MMS22L: variants seen among roughly 807,000 people sequenced by gnomAD.
MMS22L encodes MMS22 like, DNA repair protein.
A neutral mutation model predicts 159.1 loss-of-function variants in MMS22L; 74 were observed. That is an observed-to-expected ratio of 0.47 (90% CI 0.39 to 0.56). The LOEUF (loss-of-function observed/expected upper bound fraction) is 0.56. Ranked by LOEUF, MMS22L falls within the 20% of genes least tolerant of loss-of-function variation. MMS22L has a pLI of 0.00. For missense variants in MMS22L, 1,351 were observed against 1,422.1 expected (o/e 0.95, Z 0.80); for synonymous variants, 517 against 506.9 (o/e 1.02, Z -0.27).
At position 97,229,319 on chromosome 6, in the gene MMS22L, T is replaced by C. The variant is rs1211003004; in HGVS notation, c.1614A>G (p.Leu538=). The change falls in exon 14 of 25, where the codon TTA becomes TTG. Residue 538 remains leucine (L), a synonymous_variant. Coordinates refer to ENST00000683635, the MANE Select transcript of MMS22L (RefSeq NM_001350599.2). ...LQNFFSLFLL[L]AAVAEVEDVA... Reference sequence around the variant, plus strand: ...CATCTTCTACCTCTGCAACAGCTGCTAACAGTAGAAAAAGGCTAAAAAAGT... The same window carrying C: ...CATCTTCTACCTCTGCAACAGCTGCCAACAGTAGAAAAAGGCTAAAAAAGT... 1 of 1,613,926 alleles carries C rather than the reference T, an allele frequency of 6.2e-7. No individual in the cohort carries two copies. Among genetic ancestry groups the C allele is most frequent in the East Asian group, 2.2e-5 (1 of 44,880 alleles).
intron 9 of MMS22L, among the ~76,000 whole-genome samples, chr6:97,258,293 T>C (rs913674172): frequency 1.3e-5 from 2 of 152,244 alleles, no homozygotes; most frequent in African/African-American, 2.4e-5. Flanking sequence ...TCATCATTTT[T>C]TGAGCACTTC....
chr6:97,181,639 G>C (rs1347430832), intron 16 of MMS22L, among the ~76,000 whole-genome samples: 2 of 152,048 alleles, frequency 1.3e-5, no homozygotes, highest in Non-Finnish European at 2.9e-5. Context: ...GGTCACTTCA[G>C]TATGATGATA....
At chr6:97,215,765 C>A (rs796799427) in intron 14 of MMS22L, among the ~76,000 whole-genome samples, 9 of 152,054 alleles carry the variant, frequency 5.9e-5, no homozygotes, top group African/African-American at 1.9e-4. Flanking sequence ...AAAAAAAAGT[C>A]CTGAATTTTC....
chr6:97,200,681 A>G (rs539047386), intron 14 of MMS22L, among the ~76,000 whole-genome samples: 1 of 152,246 alleles, frequency 6.6e-6, no homozygotes, highest in East Asian at 1.9e-4. Flanking sequence ...GACCTGTGAT[A>G]TCTCATAAAA....
intron 9 of MMS22L, among the ~76,000 whole-genome samples, chr6:97,255,303 T>C (rs977717889): frequency 6.6e-6 from 1 of 152,138 alleles, no homozygotes; most frequent in African/African-American, 2.4e-5. Context: ...AGACATAAAG[T>C]TGTCGACAGT....
chr6:97,176,258 A>G (rs962294738), intron 18 of MMS22L, among the ~76,000 whole-genome samples: 1 of 152,118 alleles, frequency 6.6e-6, no homozygotes, highest in Admixed American at 6.6e-5. Context: ...TGTTTTGAGC[A>G]GGTGGTATCA....
intron 24 of MMS22L, among the ~76,000 whole-genome samples, chr6:97,149,405 C>T (rs1305004609): frequency 6.6e-6 from 1 of 152,040 alleles, no homozygotes; most frequent in African/African-American, 2.4e-5. Flanking sequence ...TGACCAAAAC[C>T]TATACTGTCT....
intron 11 of MMS22L, 78 bp from the exon 12 acceptor site, chr6:97,234,058 T>C (rs771002292): frequency 1.5e-5 from 22 of 1,455,922 alleles, no homozygotes; most frequent in Non-Finnish European, 2.0e-5. Context: ...TTGTGCTGTA[T>C]ATAACCTGCA....
intron 14 of MMS22L, among the ~76,000 whole-genome samples, chr6:97,202,063 C>A (rs1318627568): frequency 3.3e-5 from 5 of 152,142 alleles, no homozygotes; most frequent in African/African-American, 9.7e-5. Flanking sequence ...AACCAAGAGA[C>A]CACTGTATTC....
intron 21 of MMS22L, among the ~76,000 whole-genome samples, chr6:97,162,576 CTA>C (rs1490287952): frequency 6.6e-6 from 1 of 151,698 alleles, no homozygotes; most frequent in Non-Finnish European, 1.5e-5. Flanking sequence ...CTCTTCATAT[CTA>C]TTTATTTAAG....
chr6:97,207,853 C>T (rs1370798851), intron 14 of MMS22L, among the ~76,000 whole-genome samples: 3 of 152,080 alleles, frequency 2.0e-5, no homozygotes, highest in Middle Eastern at 3.2e-3. Context: ...AAATTTCCAA[C>T]CTCTGCATTT....
At position 97,178,578 on chromosome 6, in the gene MMS22L, C is replaced by T. The variant is rs749744892; in HGVS notation, c.2544G>A (p.Glu848=). 4 of 1,500,080 alleles carry T rather than the reference C, an allele frequency of 2.7e-6. No homozygotes were observed. Among genetic ancestry groups the T allele is most frequent in the Non-Finnish European group, 3.6e-6 (4 of 1,099,532 alleles). 92.9% of individuals were successfully genotyped at this position (1,500,080 alleles called of 1,614,324 possible). The change falls in exon 18 of 25, where the codon GAG becomes GAA. Residue 848 remains glutamate (E), a synonymous_variant. Transcript: ENST00000683635. ...TCAGTTTGACCAACTGTTTCATGTA[C>T]TCTTTTTCTGTTAAAATAAAATAGT... ...DKNLEEAVEK[E]YMKQLVKLTR...
In MMS22L at chr6:97,226,703, G is replaced by GTA. The variant is rs532268227; in HGVS notation, c.2039+2189_2039+2190dup. Among the ~76,000 whole-genome samples the GTA allele has an allele frequency of 5.5e-4, 83 of 152,020 alleles. No individual in the cohort carries two copies. In the East Asian group the frequency reaches 0.014, roughly 25 times the overall value. On this transcript the variant is annotated intron_variant, in intron 14 of 24. Coordinates refer to ENST00000683635, the MANE Select transcript of MMS22L (RefSeq NM_001350599.2). ...ATATAAAAATACATATATAGTGTGT[G>GTA]TATATATATGTATGTAGGTAGGAAG... is the stretch of plus-strand genomic sequence containing the variant.
chr6:97,157,183 T>G (rs1801947928), intron 22 of MMS22L, among the ~76,000 whole-genome samples: 1 of 152,214 alleles, frequency 6.6e-6, no homozygotes, highest in South Asian at 2.1e-4. Context: ...CCTGAGACTT[T>G]GCTGAAGTGG....
At chr6:97,256,445 T>C (rs538829113) in intron 9 of MMS22L, among the ~76,000 whole-genome samples, 1 of 152,332 alleles carries the variant, frequency 6.6e-6, no homozygotes, top group Non-Finnish European at 1.5e-5. Context: ...AGAATTCCCA[T>C]TTTGGCATCA....
intron 10 of MMS22L, among the ~76,000 whole-genome samples, chr6:97,247,107 C>G (rs1375520112): frequency 1.3e-5 from 2 of 150,446 alleles, no homozygotes; most frequent in Admixed American, 1.3e-4. Context: ...TTGTGAATAA[C>G]AAACCTGAGA....
chr6:97,243,851 CAG>C (rs1295712765), intron 11 of MMS22L, among the ~76,000 whole-genome samples: 2 of 152,060 alleles, frequency 1.3e-5, no homozygotes, highest in Non-Finnish European at 2.9e-5. Flanking sequence ...AGTCACCCAG[CAG>C]AGCTACTGGG....
At chr6:97,176,724 A>G (rs998572742) in intron 18 of MMS22L, among the ~76,000 whole-genome samples, 1 of 152,178 alleles carries the variant, frequency 6.6e-6, no homozygotes, top group Non-Finnish European at 1.5e-5. Context: ...GTCTTGTCAC[A>G]ATTCCTTGCT....
At chr6:97,276,050 G>A (rs1432716131) in intron 4 of MMS22L, among the ~76,000 whole-genome samples, 5 of 152,070 alleles carry the variant, frequency 3.3e-5, no homozygotes, top group Admixed American at 3.3e-4. Flanking sequence ...ACAGCTGTCA[G>A]CAAAACATGT....
Sources: allele counts gnomAD v4.1 joint callset (sites outside exome capture counted in the v4.1 genomes callset), GRCh38; gene constraint gnomAD v4.1.1; transcripts MANE v1.5; gene names NCBI Gene and HGNC (gene_info 2026-07-23, HGNC 2026-07-21).